Variants in EPHA5 observed in about 807,000 individuals in gnomAD.
EPHA5 encodes the protein EPH receptor A5.
In EPHA5, 60 loss-of-function variants were observed where a neutral mutation model predicts 105.0. The observed-to-expected ratio is 0.57, with a 90% CI of 0.46 to 0.71. The LOEUF is 0.71. Ranked by LOEUF, EPHA5 falls within the 30% of genes least tolerant of loss-of-function variation. The pLI, the probability that EPHA5 is intolerant of heterozygous loss-of-function variation, is 0.00. For synonymous variants in EPHA5, 513 were observed against 449.1 expected, an observed-to-expected ratio of 1.14 and a Z score of -1.80; for missense variants, 1,218 against 1,274.7, an observed-to-expected ratio of 0.96 and a Z score of 0.68.
At chr4:65,545,045 A>G (rs767794395) in intron 3 of EPHA5, among the ~76,000 whole-genome samples, 1 of 151,690 alleles carries the variant, frequency 6.6e-6, no homozygotes, top group African/African-American at 2.4e-5. Context: ...TATATTCATT[A>G]TGGAAACGAC....
intron 3 of EPHA5, among the ~76,000 whole-genome samples, chr4:65,591,419 ATCATT>A (rs1338246994): frequency 2.0e-5 from 3 of 151,938 alleles, no homozygotes; most frequent in Admixed American, 2.0e-4. Context: ...ACTTTATCAT[ATCATT>A]TAGGAGTATT....
chr4:65,331,209 T>C (rs1560416401), intron 16 of EPHA5: 2 of 1,031,310 alleles, frequency 1.9e-6, no homozygotes, highest in Middle Eastern at 4.4e-4. Context: ...GTTAATGTAA[T>C]CTAGATGGAA....
At chr4:65,574,918 AAC>A (rs960197651) in intron 3 of EPHA5, among the ~76,000 whole-genome samples, 16 of 151,504 alleles carry the variant, frequency 1.1e-4, no homozygotes, top group African/African-American at 3.9e-4. Flanking sequence ...AGAGCTAGAG[AAC>A]CTATGATACA....
chr4:65,388,300 C>G (rs1194199992), intron 8 of EPHA5, among the ~76,000 whole-genome samples: 2 of 151,688 alleles, frequency 1.3e-5, no homozygotes, highest in East Asian at 3.9e-4. Context: ...GTCTTTATAG[C>G]AGCATGTTTT....
intron 8 of EPHA5, among the ~76,000 whole-genome samples, chr4:65,389,120 G>A (rs1720442504): frequency 6.6e-6 from 1 of 151,988 alleles, no homozygotes; most frequent in South Asian, 2.1e-4. Flanking sequence ...AGGAAGATTG[G>A]ACCTCTAAAT....
intron 4 of EPHA5, among the ~76,000 whole-genome samples, chr4:65,491,374 A>G (rs1206440857): frequency 6.6e-6 from 1 of 152,094 alleles, no homozygotes; most frequent in Non-Finnish European, 1.5e-5. Context: ...CAAGTTGTGA[A>G]TTTTATTTAA....
intron 3 of EPHA5, among the ~76,000 whole-genome samples, chr4:65,495,884 A>G (rs1392583269): frequency 1.3e-5 from 2 of 152,200 alleles, no homozygotes; most frequent in Middle Eastern, 3.2e-3. Context: ...TTACTCTATC[A>G]TTACTACAAC....
chr4:65,461,816 G>A (rs1017477864), intron 5 of EPHA5, among the ~76,000 whole-genome samples: 5 of 151,862 alleles, frequency 3.3e-5, no homozygotes, highest in African/African-American at 1.2e-4. Context: ...TTGAAATATA[G>A]ACATGAAAAT....
At chr4:65,419,710 T>A (rs749894979) in intron 6 of EPHA5, among the ~76,000 whole-genome samples, 4 of 152,144 alleles carry the variant, frequency 2.6e-5, no homozygotes, top group Non-Finnish European at 5.9e-5. Flanking sequence ...TGGCTACATC[T>A]CTGAGCCACA....
chr4:65,583,436 A>G (rs182824166), intron 3 of EPHA5, among the ~76,000 whole-genome samples: 17 of 151,826 alleles, frequency 1.1e-4, no homozygotes, highest in Non-Finnish European at 2.1e-4. Context: ...TCTAGATTGG[A>G]ATGGCATTTT....
intron 2 of EPHA5, among the ~76,000 whole-genome samples, chr4:65,627,183 G>T (rs1472829581): frequency 2.0e-5 from 3 of 152,114 alleles, no homozygotes; most frequent in Admixed American, 6.5e-5. Context: ...TTCTATCACT[G>T]CATTCAGAAA....
chr4:65,393,031 G>T (rs1365459145), intron 8 of EPHA5, among the ~76,000 whole-genome samples: 2 of 152,084 alleles, frequency 1.3e-5, no homozygotes, highest in Non-Finnish European at 2.9e-5. Flanking sequence ...TCAAAGGAGA[G>T]AATACTTTGG....
chr4:65,423,943 A>G (rs1724177729), intron 5 of EPHA5, among the ~76,000 whole-genome samples: 2 of 151,942 alleles, frequency 1.3e-5, no homozygotes, highest in Non-Finnish European at 2.9e-5. Flanking sequence ...ATTCCTATAC[A>G]TAACTACCTA....
intron 4 of EPHA5, among the ~76,000 whole-genome samples, chr4:65,492,927 C>A (rs1338043205): frequency 6.6e-6 from 1 of 151,474 alleles, no homozygotes; most frequent in African/African-American, 2.4e-5. Flanking sequence ...TAAAAAATTA[C>A]AGGATTAACC....
intron 3 of EPHA5, among the ~76,000 whole-genome samples, chr4:65,520,173 C>A (rs527644104): frequency 2.6e-4 from 40 of 151,984 alleles, no homozygotes; most frequent in African/African-American, 8.2e-4. Context: ...CTGGTACCAA[C>A]ACAGAGATAT....
At chr4:65,511,593 A>G (rs967418644) in intron 3 of EPHA5, among the ~76,000 whole-genome samples, 1 of 152,196 alleles carries the variant, frequency 6.6e-6, no homozygotes. Context: ...TGAATCCTTT[A>G]ATATGTGTTT....
At chr4:65,451,602 T>C (rs1232293749) in intron 5 of EPHA5, among the ~76,000 whole-genome samples, 1 of 152,138 alleles carries the variant, frequency 6.6e-6, no homozygotes, top group African/African-American at 2.4e-5. Flanking sequence ...GTAAAGCTGT[T>C]TTATCAAAGT....
chr4:65,348,065 T>A lies in EPHA5; in HGVS notation c.2584A>T (p.Thr862Ser), dbSNP rs1035072891. 5.6e-6 allele frequency: 9 copies of A among 1,606,036 alleles called. No individual in the cohort carries two copies. Among genetic ancestry groups the A allele is most frequent in the Non-Finnish European group, 7.6e-6 (9 of 1,176,558 alleles). The change falls in exon 14 of 17, where the codon ACC becomes TCC. Residue 862 changes from threonine to serine, a missense_variant. Physicochemically the swap from Thr to Ser is moderately conservative, Grantham distance 58 (BLOSUM62 1). This residue lies in a region of EPHA5 where 971 missense variants were observed against 1,013.5 expected (regional missense o/e 0.96). Coordinates refer to ENST00000613740, the MANE Select transcript of EPHA5 (RefSeq NM_001281766.3). ...AGTTCCATACTCACATCTTGATTGG[T>A]CATCTCCCAGTAGGGTCTCTCTCCA... ...SYGERPYWEM[T>S]NQDVIKAVEE... is the part of the protein sequence containing the mutation.
intron 8 of EPHA5, among the ~76,000 whole-genome samples, chr4:65,403,620 T>C (rs921428245): frequency 6.6e-6 from 1 of 152,062 alleles, no homozygotes; most frequent in African/African-American, 2.4e-5. Flanking sequence ...TTTATTTTGT[T>C]TTATTCTACT....
Sources: allele counts gnomAD v4.1 joint callset (sites outside exome capture counted in the v4.1 genomes callset), GRCh38; gene constraint gnomAD v4.1.1; regional missense constraint gnomAD v4.1.1; transcripts MANE v1.5; gene names NCBI Gene and HGNC (gene_info 2026-07-23, HGNC 2026-07-21).